Variants in GNG12 observed in about 807,000 individuals in gnomAD.
GNG12 encodes the protein guanine nucleotide-binding protein G(I)/G(S)/G(O) subunit gamma-12.
For synonymous variants in GNG12, 28 were observed against 29.7 expected (o/e 0.94, Z 0.19); for missense variants, 69 against 83.8 (o/e 0.82, Z 0.69).
intron 1 of GNG12, among the ~76,000 whole-genome samples, chr1:67,827,460 C>T (rs999989101): frequency 1.3e-5 from 2 of 151,902 alleles, no homozygotes; most frequent in African/African-American, 4.8e-5. Flanking sequence ...GCATCTTGCT[C>T]TGTTGCCCAG....
intron 2 of GNG12, among the ~76,000 whole-genome samples, chr1:67,728,807 AG>A (rs1350872918): frequency 6.6e-6 from 1 of 152,166 alleles, no homozygotes; most frequent in Non-Finnish European, 1.5e-5. Context: ...TCAAGAAAAT[AG>A]GCCCCCCCAC....
chr1:67,710,781 C>A (rs896037541), intron 2 of GNG12, among the ~76,000 whole-genome samples: 7 of 152,184 alleles, frequency 4.6e-5, no homozygotes, highest in Admixed American at 3.9e-4. Context: ...AGGGCTTTCT[C>A]CAACCTCGTT....
At chr1:67,781,133 T>G (rs541491396) in intron 1 of GNG12, among the ~76,000 whole-genome samples, 1 of 152,336 alleles carries the variant, frequency 6.6e-6, no homozygotes, top group African/African-American at 2.4e-5. Context: ...CTCTCTAGCC[T>G]GGTCAGAGAT....
Position 67,705,190 on chromosome 1 carries a change from C to A in GNG12, c.*261G>T, listed in dbSNP as rs1646239470. 6 of 290,738 alleles carry A rather than the reference C, an allele frequency of 2.1e-5. No homozygotes were observed. The Admixed American group carries it at 2.6e-4, about 13-fold the overall frequency. The allele number at this position is 290,738 out of a possible 1,614,324, so 18.0% of individuals were successfully genotyped here. On this transcript the variant is annotated 3_prime_UTR_variant, in exon 4 of 4. Coordinates refer to ENST00000370982, the MANE Select transcript of GNG12 (RefSeq NM_018841.6). ...ATTATGTTTTTAAAAAGGCCCAGAT[C>A]AACTTTCCTTAAACAGTAACCCAAC... is the stretch of plus-strand genomic sequence containing the variant.
At chr1:67,778,492 C>T (rs1350184007) in intron 1 of GNG12, among the ~76,000 whole-genome samples, 1 of 152,138 alleles carries the variant, frequency 6.6e-6, no homozygotes, top group African/African-American at 2.4e-5. Flanking sequence ...TATCATTAGT[C>T]CCATTTCATG....
chr1:67,710,218 T>TTA (rs571837992), intron 2 of GNG12, among the ~76,000 whole-genome samples: 3 of 97,906 alleles, frequency 3.1e-5, no homozygotes, highest in East Asian at 2.6e-4. Context: ...ATATATATAG[T>TTA]TATATATATA....
intron 2 of GNG12, among the ~76,000 whole-genome samples, chr1:67,745,405 G>C (rs1646502500): frequency 6.6e-5 from 10 of 152,090 alleles, no homozygotes; most frequent in Admixed American, 6.5e-4. Context: ...CACTCTTCTG[G>C]GCCCTGCTTC....
chr1:67,807,654 C>G (rs982416581), intron 1 of GNG12, among the ~76,000 whole-genome samples: 3 of 151,958 alleles, frequency 2.0e-5, no homozygotes, highest in Middle Eastern at 3.4e-3. Flanking sequence ...ATCCCATATA[C>G]ATTAAAAGGC....
chr1:67,831,965 C>T (rs1185552391), intron 1 of GNG12, among the ~76,000 whole-genome samples: 1 of 152,170 alleles, frequency 6.6e-6, no homozygotes, highest in East Asian at 1.9e-4. Context: ...AGTCTGGTGA[C>T]TAGCACTTTT....
At chr1:67,779,521 A>AC in intron 1 of GNG12, among the ~76,000 whole-genome samples, 1 of 114,490 alleles carries the variant, frequency 8.7e-6, no homozygotes, top group East Asian at 2.7e-4. Flanking sequence ...CAAAATGCAC[A>AC]CCCCCTTATG....
At chr1:67,765,283 C>G (rs1221510955) in intron 2 of GNG12, among the ~76,000 whole-genome samples, 1 of 151,936 alleles carries the variant, frequency 6.6e-6, no homozygotes, top group African/African-American at 2.4e-5. Context: ...TACTGAAGTA[C>G]AGTTCAGTGT....
chr1:67,745,438 G>A (rs1203019545), intron 2 of GNG12, among the ~76,000 whole-genome samples: 1 of 152,192 alleles, frequency 6.6e-6, no homozygotes, highest in East Asian at 1.9e-4. Flanking sequence ...AAGCTGCCCC[G>A]GTGACCAGGC....
chr1:67,766,672 C>T lies in GNG12; in HGVS notation c.-27+10786G>A, dbSNP rs80188903. Among the ~76,000 whole-genome samples, 913 of 151,112 alleles carry T rather than the reference C, an allele frequency of 6.0e-3. 5 individuals carry two copies. Among genetic ancestry groups the T allele is most frequent in the African/African-American group, 0.021 (875 of 41,114 alleles). On this transcript the variant is annotated intron_variant, in intron 2 of 3. Coordinates refer to ENST00000370982, the MANE Select transcript of GNG12 (RefSeq NM_018841.6). ...TTCTGAAGCCAGGTGAAGCCTCACA[C>T]GGGGCTCCCTCCCACCCGGTCTCCT...
At chr1:67,805,844 C>CTTAAAAAAAAAAAATATGGAA (rs1553160136) in intron 1 of GNG12, among the ~76,000 whole-genome samples, 4 of 150,458 alleles carry the variant, frequency 2.7e-5, no homozygotes, top group African/African-American at 9.7e-5. Flanking sequence ...AAAAAAAAAC[C>CTTAAAAAAAAAAAATATGGAA]TAGGCATAAC....
intron 1 of GNG12, among the ~76,000 whole-genome samples, chr1:67,819,581 T>G (rs751368308): frequency 6.6e-6 from 1 of 152,214 alleles, no homozygotes; most frequent in South Asian, 2.1e-4. Flanking sequence ...GCCACACTCA[T>G]TACAGCTTAT....
Position 67,747,097 on chromosome 1 carries a change from A to G in GNG12, c.-27+30361T>C, listed in dbSNP as rs564840007. Among the ~76,000 whole-genome samples, 4 of 152,330 alleles carry G rather than the reference A, an allele frequency of 2.6e-5. No homozygotes were observed. In the South Asian group the frequency reaches 8.3e-4, roughly 32 times the overall value. ...AAACTGCAAATAATTCCTAACATGCAGTTTTAAAAGCATAAAGAATCTTTT... is the reference window on the plus strand; with the variant it reads ...AAACTGCAAATAATTCCTAACATGCGGTTTTAAAAGCATAAAGAATCTTTT... On this transcript the variant is annotated intron_variant, in intron 2 of 3. Transcript: ENST00000370982.
intron 2 of GNG12, among the ~76,000 whole-genome samples, chr1:67,732,879 T>C (rs900401957): frequency 1.3e-5 from 2 of 152,194 alleles, no homozygotes; most frequent in African/African-American, 4.8e-5. Context: ...CAGTTGTGCT[T>C]GGGGTGGGCC....
chr1:67,770,691 C>T (rs1219215494), intron 2 of GNG12, among the ~76,000 whole-genome samples: 1 of 152,118 alleles, frequency 6.6e-6, no homozygotes, highest in East Asian at 1.9e-4. Flanking sequence ...CTGGAGAAGG[C>T]CATGGAGGCA....
intron 2 of GNG12, among the ~76,000 whole-genome samples, chr1:67,723,686 G>C (rs1399632662): frequency 6.6e-6 from 1 of 152,150 alleles, no homozygotes. Flanking sequence ...AGAATTAAGG[G>C]AACTGAGGGA....
Sources: gnomAD v4.1 joint callset for allele counts (sites outside exome capture counted in the v4.1 genomes callset) on GRCh38, gnomAD v4.1.1 for gene constraint, MANE v1.5 for transcripts, NCBI Gene and HGNC (gene_info 2026-07-23, HGNC 2026-07-21) for gene names.